Variants in PROM1 observed in about 807,000 individuals in gnomAD.
PROM1 encodes prominin 1.
PROM1 carries 105 observed loss-of-function variants against 116.9 expected under a neutral mutation model. The observed-to-expected ratio is 0.90, with a 90% CI of 0.77 to 1.06. The LOEUF (loss-of-function observed/expected upper bound fraction) is 1.06. Ranked by LOEUF, PROM1 falls within the 50% of genes least tolerant of loss-of-function variation. The pLI is 0.00. For synonymous variants in PROM1, 393 were observed against 387.0 expected (o/e 1.02, Z -0.18); for missense variants, 1,122 against 1,045.2 (o/e 1.07, Z -1.01).
rs781437553 is a variant in PROM1 at position 15,989,715 on chromosome 4, A to G, written c.2076+17T>C. ...TGCTCAGGTCACAGTGAAATACAATACGTCGTTGACTGTTACCAGTGATTG... is the reference window on the plus strand; with the variant it reads ...TGCTCAGGTCACAGTGAAATACAATGCGTCGTTGACTGTTACCAGTGATTG... On this transcript the variant is annotated intron_variant, in intron 19 of 27. Coordinates refer to ENST00000447510, the MANE Select transcript of PROM1 (RefSeq NM_006017.3). The G allele has an allele frequency of 2.6e-6, 4 of 1,566,596 alleles. No individual in the cohort carries two copies. The African/African-American group carries it at 5.4e-5, about 21-fold the overall frequency.
rs145329628 is a variant in PROM1 at position 16,057,822 on chromosome 4, G to C, written c.220+17865C>G. Among the ~76,000 whole-genome samples, 391 of 152,194 alleles carry C rather than the reference G, an allele frequency of 2.6e-3. 1 individual carries two copies. The highest frequency in any genetic ancestry group is 9.1e-3 in the African/African-American group (377 of 41,508). On this transcript the variant is annotated intron_variant, in intron 2 of 27. Coordinates refer to ENST00000447510, the MANE Select transcript of PROM1 (RefSeq NM_006017.3). The stretch of plus-strand genomic sequence containing the variant: ...GAAAAAGAAAGAAAAGCAAGCCCGG[G>C]GACCTAAGAGGAAACAGGAGCTCCA...
rs1404328536 is a variant in PROM1 at position 15,994,066 on chromosome 4, C to T, written c.1688G>A (p.Cys563Tyr). ...GCCGTAAGTGCCTCTATTTTTTTTG[C>T]AGTCACTGTGGGAATGAACAGAGAA... ...KLTFEQVYSD[C>Y]KKNRGTYGTL... The change falls in exon 16 of 28, where the codon TGC becomes TAC. Residue 563 changes from cysteine to tyrosine, a missense_variant. Transcript: ENST00000447510. 1 of 1,613,726 alleles carries T rather than the reference C, an allele frequency of 6.2e-7. No homozygotes were observed. Among genetic ancestry groups the T allele is most frequent in the Non-Finnish European group, 8.5e-7 (1 of 1,179,782 alleles).
chr4:16,016,145 G>A (rs375085919), intron 10 of PROM1, 21 bp downstream of exon 10: 102 of 1,528,362 alleles, frequency 6.7e-5, no homozygotes, highest in Non-Finnish European at 9.0e-5. Flanking sequence ...ATCAGTGATT[G>A]TATTTTTTCC....
intron 3 of PROM1, among the ~76,000 whole-genome samples, chr4:16,038,570 T>G (rs1734463340): frequency 6.6e-6 from 1 of 151,352 alleles, no homozygotes; most frequent in African/African-American, 2.4e-5. Context: ...GCCCGGCTAA[T>G]TTTTGTATTT....
At chr4:16,015,519 A>G (rs111778159) in intron 10 of PROM1, among the ~76,000 whole-genome samples, 2 of 151,372 alleles carry the variant, frequency 1.3e-5, no homozygotes, top group African/African-American at 4.9e-5. Context: ...GTGAAACCTC[A>G]TCTCCACTAA....
intron 20 of PROM1, among the ~76,000 whole-genome samples, chr4:15,986,591 C>T (rs1000663656): frequency 2.6e-5 from 4 of 152,166 alleles, no homozygotes; most frequent in Non-Finnish European, 4.4e-5. Flanking sequence ...CGACTAACCC[C>T]CTTGGCTGGG....
intron 15 of PROM1, among the ~76,000 whole-genome samples, chr4:15,997,853 C>G (rs1024280247): frequency 6.6e-6 from 1 of 152,172 alleles, no homozygotes; most frequent in African/African-American, 2.4e-5. Flanking sequence ...TTACTTAACC[C>G]TAAAACAACC....
intron 2 of PROM1, among the ~76,000 whole-genome samples, chr4:16,054,242 C>T (rs1434528195): frequency 6.6e-6 from 1 of 152,172 alleles, no homozygotes; most frequent in African/African-American, 2.4e-5. Flanking sequence ...TACTCCATTC[C>T]ATTCTATACA....
chr4:15,972,566 A>G (rs919050911), intron 26 of PROM1, among the ~76,000 whole-genome samples: 1 of 152,240 alleles, frequency 6.6e-6, no homozygotes, highest in Non-Finnish European at 1.5e-5. Context: ...TCACAATGGC[A>G]ATTAAATCTC....
chr4:16,003,245 A>C (rs1367090456), intron 13 of PROM1: 1 of 455,894 alleles, frequency 2.2e-6, no homozygotes. Flanking sequence ...ACTCTTCTAC[A>C]GCTGGACATG....
In PROM1 at chr4:15,986,035, C is replaced by G. The variant is rs747319014; in HGVS notation, c.2133G>C (p.Glu711Asp). Reference sequence around the variant, plus strand: ...GAGAAGCTAGAATCCTAGTTACTCTCTCCTGAAAGACACAGCCACAGTTAT... The same window carrying G: ...GAGAAGCTAGAATCCTAGTTACTCTGTCCTGAAAGACACAGCCACAGTTAT... ...ILQRTGNGLL[E>D]RVTRILASLD... Residue 711 changes from glutamate (E) to aspartate (D), a missense_variant and splice_region_variant, in exon 21 of 28, where the codon GAG becomes GAC. Coordinates refer to ENST00000447510, the MANE Select transcript of PROM1 (RefSeq NM_006017.3). 1.3e-6 allele frequency: 2 copies of G among 1,561,852 alleles called. No homozygotes were observed. Among genetic ancestry groups the G allele is most frequent in the African/African-American group, 1.4e-5 (1 of 73,938 alleles).
intron 27 of PROM1, among the ~76,000 whole-genome samples, chr4:15,970,166 T>C (rs1714070326): frequency 6.6e-6 from 1 of 151,320 alleles, no homozygotes; most frequent in South Asian, 2.1e-4. Context: ...TTCTTTTCTT[T>C]TCTTTTTTTT....
chr4:16,083,055 G>A (rs1404415690), intron 1 of PROM1, among the ~76,000 whole-genome samples: 2 of 152,026 alleles, frequency 1.3e-5, no homozygotes, highest in Non-Finnish European at 2.9e-5. Context: ...TTCTCCCACG[G>A]ACGCGGGGAG....
chr4:16,023,249 GAA>G, intron 8 of PROM1, 75 bp downstream of exon 8: 1 of 1,310,566 alleles, frequency 7.6e-7, no homozygotes, highest in Non-Finnish European at 1.1e-6. Flanking sequence ...CAGGGAACAA[GAA>G]AAGAGTGAGC....
chr4:16,040,836 G>A (rs892825061), intron 2 of PROM1, among the ~76,000 whole-genome samples: 1 of 152,226 alleles, frequency 6.6e-6, no homozygotes, highest in African/African-American at 2.4e-5. Flanking sequence ...TCCATGGTAA[G>A]TGCAGTGTGG....
chr4:16,015,712 A>C (rs1485024773), intron 10 of PROM1, among the ~76,000 whole-genome samples: 1 of 151,918 alleles, frequency 6.6e-6, no homozygotes, highest in African/African-American at 2.4e-5. Context: ...AAAACAAAAC[A>C]AAAAAACAAC....
chr4:15,985,131 A>G (rs1292281125), intron 22 of PROM1, among the ~76,000 whole-genome samples: 2 of 152,142 alleles, frequency 1.3e-5, no homozygotes, highest in African/African-American at 4.8e-5. Context: ...ACATGTACAG[A>G]CTTTTTTTAA....
Position 15,981,270 on chromosome 4 carries a change from G to T in PROM1, c.2374-733C>A, listed in dbSNP as rs117104430. Among the ~76,000 whole-genome samples the T allele has an allele frequency of 4.6e-3, 677 of 147,250 alleles. 25 individuals are homozygous for T. The East Asian group carries it at 0.12, about 26-fold the overall frequency. ...GCCACCGCGCCTGGCTGAGTTGTTTGTTATTAAGATGACAAATTAGCCAGG... is the reference window on the plus strand; with the variant it reads ...GCCACCGCGCCTGGCTGAGTTGTTTTTTATTAAGATGACAAATTAGCCAGG... On this transcript the variant is annotated intron_variant, in intron 23 of 27. Coordinates refer to ENST00000447510, the MANE Select transcript of PROM1 (RefSeq NM_006017.3).
chr4:16,036,113 C>G (rs1578147623), intron 3 of PROM1, among the ~76,000 whole-genome samples: 2 of 152,182 alleles, frequency 1.3e-5, no homozygotes, highest in African/African-American at 4.8e-5. Flanking sequence ...AGAATCAGAT[C>G]TGAGAACTCC....
Sources: gnomAD v4.1 joint callset for allele counts (sites outside exome capture counted in the v4.1 genomes callset) on GRCh38, gnomAD v4.1.1 for gene constraint, MANE v1.5 for transcripts, NCBI Gene and HGNC (gene_info 2026-07-23, HGNC 2026-07-21) for gene names.